ZNF827: variants seen among roughly 807,000 people sequenced by gnomAD.
The protein encoded by ZNF827 is zinc finger protein 827.
A neutral mutation model predicts 102.4 loss-of-function variants in ZNF827; 13 were observed. The ratio of observed to expected loss-of-function variants is 0.13; its 90% confidence interval spans 0.08 to 0.20. ZNF827 has a LOEUF of 0.20. Among genes scored for constraint, ZNF827 ranks in the 10% least tolerant of loss-of-function variants. ZNF827 has a pLI of 1.00. For synonymous variants in ZNF827, 523 were observed against 536.2 expected (o/e 0.98, Z 0.34); for missense variants, 1,103 against 1,344.4 (o/e 0.82, Z 2.81).
At chr4:145,844,143 T>C (rs1745684596) in intron 7 of ZNF827, among the ~76,000 whole-genome samples, 1 of 152,158 alleles carries the variant, frequency 6.6e-6, no homozygotes, top group Non-Finnish European at 1.5e-5. Context: ...ATACACTAAA[T>C]AGCTTAAAGG....
chr4:145,919,377 A>T (rs995142385), intron 1 of ZNF827, among the ~76,000 whole-genome samples: 1 of 152,266 alleles, frequency 6.6e-6, no homozygotes, highest in South Asian at 2.1e-4. Flanking sequence ...CTGGACAGCC[A>T]AATCAAGAGA....
intron 5 of ZNF827, among the ~76,000 whole-genome samples, chr4:145,857,220 A>G (rs1747231591): frequency 1.3e-5 from 2 of 152,250 alleles, no homozygotes; most frequent in Admixed American, 1.3e-4. Context: ...ATCAACTTAG[A>G]GTCAATTTTA....
chr4:145,936,518 G>A (rs1375283429), intron 1 of ZNF827, among the ~76,000 whole-genome samples: 2 of 152,272 alleles, frequency 1.3e-5, no homozygotes, highest in East Asian at 3.9e-4. Flanking sequence ...ACCGGGAAGG[G>A]GAAAGAAAGA....
At chr4:145,795,299 C>A (rs1344839837) in intron 8 of ZNF827, among the ~76,000 whole-genome samples, 1 of 152,202 alleles carries the variant, frequency 6.6e-6, no homozygotes, top group Non-Finnish European at 1.5e-5. Flanking sequence ...AAAGCACCCA[C>A]CACCCGCCTG....
At chr4:145,822,119 A>G (rs946575741) in intron 8 of ZNF827, among the ~76,000 whole-genome samples, 38 of 152,214 alleles carry the variant, frequency 2.5e-4, no homozygotes, top group African/African-American at 8.7e-4. Context: ...GAGTATGAAG[A>G]CATAAACTAG....
At chr4:145,823,348 G>T in intron 8 of ZNF827, 74 bp downstream of exon 8, 1 of 1,299,554 alleles carries the variant, frequency 7.7e-7, no homozygotes, top group Non-Finnish European at 1.1e-6. Context: ...GAAAGTATCT[G>T]AAAATTCACA....
chr4:145,837,485 A>AC (rs952995761), intron 7 of ZNF827, among the ~76,000 whole-genome samples: 7 of 151,438 alleles, frequency 4.6e-5, no homozygotes, highest in African/African-American at 1.7e-4. Flanking sequence ...CCAAAAAAAA[A>AC]CTTGTCATCC....
intron 7 of ZNF827, among the ~76,000 whole-genome samples, chr4:145,828,466 C>T (rs1743894854): frequency 6.6e-6 from 1 of 152,148 alleles, no homozygotes; most frequent in African/African-American, 2.4e-5. Flanking sequence ...TCTATCACAA[C>T]ATATTCCCTT....
At chr4:145,933,162 C>T (rs1753936553) in intron 1 of ZNF827, among the ~76,000 whole-genome samples, 5 of 152,176 alleles carry the variant, frequency 3.3e-5, no homozygotes, top group African/African-American at 1.2e-4. Flanking sequence ...TTTGAGTTAT[C>T]TTTCCTATTT....
At position 145,902,419 on chromosome 4, in the gene ZNF827, G is replaced by C. The variant is rs745904267; in HGVS notation, c.840C>G (p.Ser280=). 1 of 1,614,180 alleles carries C rather than the reference G, an allele frequency of 6.2e-7. No homozygotes were observed. Among genetic ancestry groups the C allele is most frequent in the East Asian group, 2.2e-5 (1 of 44,886 alleles). Residue 280 remains serine (S), a synonymous_variant, in exon 2 of 15, where the codon TCC becomes TCG. Transcript: ENST00000508784. This position sits in a 1 kb window ranked among gnomAD's most constrained non-coding sequence, Gnocchi z 4.3. ...EHPPPASSFL[S]LASMTSSAAL... The stretch of plus-strand genomic sequence containing the variant: ...CCGCTGAGGAGGTCATAGAAGCCAG[G>C]GAAAGGAAGGAGCTGGCCGGTGGAG...
intron 4 of ZNF827, among the ~76,000 whole-genome samples, chr4:145,874,696 GA>G (rs1561026967): frequency 6.6e-6 from 1 of 152,208 alleles, no homozygotes; most frequent in Non-Finnish European, 1.5e-5. Flanking sequence ...TACTAACACA[GA>G]AAGATTTGTG....
At chr4:145,879,692 AG>A (rs1749503332) in intron 4 of ZNF827, among the ~76,000 whole-genome samples, 1 of 152,232 alleles carries the variant, frequency 6.6e-6, no homozygotes, top group Non-Finnish European at 1.5e-5. Context: ...CAGAAATATC[AG>A]TTGGCCCTAC....
chr4:145,839,815 G>C (rs1219934594), intron 7 of ZNF827, among the ~76,000 whole-genome samples: 1 of 152,184 alleles, frequency 6.6e-6, no homozygotes, highest in Non-Finnish European at 1.5e-5. Context: ...AAAAACGAGA[G>C]AATACTATTG....
At chr4:145,835,627 C>T (rs547036101) in intron 7 of ZNF827, among the ~76,000 whole-genome samples, 4 of 149,776 alleles carry the variant, frequency 2.7e-5, no homozygotes, top group African/African-American at 5.0e-5. Context: ...TGTATCCCCC[C>T]ACCTTAACCC....
chr4:145,863,850 T>C (rs767782415), intron 5 of ZNF827, among the ~76,000 whole-genome samples: 5 of 152,186 alleles, frequency 3.3e-5, no homozygotes, highest in African/African-American at 7.2e-5. Context: ...CTAAATATCA[T>C]TGAATTGTGT....
At chr4:145,818,961 T>A (rs775726073) in intron 8 of ZNF827, among the ~76,000 whole-genome samples, 23 of 152,208 alleles carry the variant, frequency 1.5e-4, no homozygotes, top group Non-Finnish European at 2.5e-4. Flanking sequence ...AGCCTTTTGA[T>A]TGAACATCAA....
rs191255472 is a variant in ZNF827, at chr4:145,902,335, C to G, written c.924G>C (p.Ser308=). Residue 308 remains serine (S), a synonymous_variant, in exon 2 of 15, where the codon TCG becomes TCC. Transcript: ENST00000508784. This position sits in a 1 kb window ranked among gnomAD's most constrained non-coding sequence, Gnocchi z 4.3. ...GCGGTAGAGGGTCCTCAGGCAGCAGCGATGATTTCTCAGCCAGAAGACTGC... is the reference window on the plus strand; with the variant it reads ...GCGGTAGAGGGTCCTCAGGCAGCAGGGATGATTTCTCAGCCAGAAGACTGC... ...AAGSLLAEKS[S]LLPEDPLPPP... is the part of the protein sequence containing the mutation. The G allele has an allele frequency of 1.2e-6, 2 of 1,604,194 alleles. No individual in the cohort carries two copies. The highest frequency in any genetic ancestry group is 4.5e-5 in the East Asian group (2 of 44,724).
chr4:145,852,944 T>C (rs183071044), intron 5 of ZNF827, among the ~76,000 whole-genome samples: 145 of 152,260 alleles, frequency 9.5e-4, no homozygotes, highest in African/African-American at 3.4e-3. Flanking sequence ...CATCCTCTAG[T>C]TTTAACAACC....
At chr4:145,919,892 T>C (rs1031644567) in intron 1 of ZNF827, among the ~76,000 whole-genome samples, 4 of 152,212 alleles carry the variant, frequency 2.6e-5, no homozygotes, top group Non-Finnish European at 5.9e-5. Flanking sequence ...AATCTATTTA[T>C]ACAGCATGAA....
Sources: allele counts gnomAD v4.1 joint callset (sites outside exome capture counted in the v4.1 genomes callset), GRCh38; gene constraint gnomAD v4.1.1; non-coding constraint Gnocchi (gnomAD v3.1); transcripts MANE v1.5; gene names NCBI Gene and HGNC (gene_info 2026-07-23, HGNC 2026-07-21).